Variants in FMNL2 observed in about 807,000 individuals in gnomAD.
FMNL2 encodes the protein formin like 2.
FMNL2 carries 51 observed loss-of-function variants against 130.2 expected under a neutral mutation model. The ratio of observed to expected loss-of-function variants is 0.39; its 90% CI spans 0.31 to 0.49. FMNL2 has a LOEUF of 0.49. Ranked by LOEUF, FMNL2 falls within the 20% of genes least tolerant of loss-of-function variation. The pLI, the probability that FMNL2 is intolerant of heterozygous loss-of-function variation, is 0.85. For missense variants in FMNL2, 977 were observed against 1,316.2 expected (o/e 0.74, Z 3.99); for synonymous variants, 465 against 467.1 (o/e 1.00, Z 0.06).
At chr2:152,539,957 G>T (rs893951643) in intron 2 of FMNL2, among the ~76,000 whole-genome samples, 3 of 152,088 alleles carry the variant, frequency 2.0e-5, no homozygotes, top group Non-Finnish European at 4.4e-5. Context: ...GGGCGTGGTT[G>T]CCTGCACCTA....
At chr2:152,556,682 G>A (rs541012214) in intron 4 of FMNL2, among the ~76,000 whole-genome samples, 77 of 152,308 alleles carry the variant, frequency 5.1e-4, no homozygotes, top group African/African-American at 1.6e-3. Context: ...CTTTCCAAGT[G>A]AGATGGAGGT....
intron 9 of FMNL2, among the ~76,000 whole-genome samples, chr2:152,597,621 C>A (rs1430635611): frequency 6.6e-6 from 1 of 152,174 alleles, no homozygotes; most frequent in African/African-American, 2.4e-5. Flanking sequence ...ATGGCACTGG[C>A]AGTATTCACT....
At chr2:152,636,097 T>C (rs76719918) in intron 21 of FMNL2, among the ~76,000 whole-genome samples, 13,322 of 152,254 alleles carry the variant, frequency 0.087, 862 homozygotes, top group Non-Finnish European at 0.13. Flanking sequence ...TTTGTGCAAG[T>C]GTGGGATTTA....
chr2:152,396,961 C>T (rs1579566665), intron 1 of FMNL2, among the ~76,000 whole-genome samples: 1 of 152,200 alleles, frequency 6.6e-6, no homozygotes, highest in Admixed American at 6.5e-5. Context: ...GTGGAATGCA[C>T]TTGGCATGTT....
chr2:152,375,778 CT>C (rs1275525944), intron 1 of FMNL2, among the ~76,000 whole-genome samples: 3 of 149,784 alleles, frequency 2.0e-5, no homozygotes, highest in Non-Finnish European at 4.4e-5. Flanking sequence ...TTATGATTAT[CT>C]AGGAGTTTTC....
chr2:152,366,656 G>T (rs1012722270), intron 1 of FMNL2, among the ~76,000 whole-genome samples: 2 of 152,084 alleles, frequency 1.3e-5, no homozygotes, highest in African/African-American at 2.4e-5. Flanking sequence ...TTGAAATGTA[G>T]TGTACCCTGG....
chr2:152,619,579 ACCGCCCCCT>A lies in FMNL2; in HGVS notation c.1704_1712del (p.Pro571_Pro573del), dbSNP rs752746827. On this transcript the variant is annotated inframe_deletion, in exon 15 of 26. Transcript: ENST00000288670. ...CCCCTCCTCCACCTCCTCCTCCCCC[ACCGCCCCCT>A]CCGCCTCCTCCTCTCCCAGGCCCTG... 5.3e-5 allele frequency: 17 copies of A among 319,532 alleles called. No individual in the cohort carries two copies. The highest frequency in any genetic ancestry group is 7.7e-5 in the Non-Finnish European group (17 of 220,562). The allele number at this position is 319,532 out of a possible 1,614,324, so 19.8% of individuals were successfully genotyped here. A position where few individuals can be genotyped will look rare whatever the true frequency, so the allele number is the denominator to read the frequency against.
intron 1 of FMNL2, among the ~76,000 whole-genome samples, chr2:152,395,795 C>T (rs1685359195): frequency 6.6e-6 from 1 of 150,928 alleles, no homozygotes; most frequent in South Asian, 2.1e-4. Context: ...GATAATTGGC[C>T]CAGGCTTTAT....
chr2:152,401,148 G>T (rs1230309728), intron 1 of FMNL2, among the ~76,000 whole-genome samples: 1 of 152,238 alleles, frequency 6.6e-6, no homozygotes, highest in Non-Finnish European at 1.5e-5. Context: ...CTGCATTTAT[G>T]GACACTGGGG....
chr2:152,581,353 A>G (rs772761773), intron 9 of FMNL2, among the ~76,000 whole-genome samples: 5 of 152,160 alleles, frequency 3.3e-5, no homozygotes, highest in Non-Finnish European at 7.3e-5. Flanking sequence ...TGTGGTTTTC[A>G]TTGGGGTTGA....
At chr2:152,380,979 A>G (rs1684430041) in intron 1 of FMNL2, among the ~76,000 whole-genome samples, 1 of 152,186 alleles carries the variant, frequency 6.6e-6, no homozygotes, top group Non-Finnish European at 1.5e-5. Context: ...AAGTAGGAAA[A>G]TGTATATAAT....
intron 1 of FMNL2, among the ~76,000 whole-genome samples, chr2:152,465,223 C>A (rs1689463448): frequency 6.6e-6 from 1 of 152,224 alleles, no homozygotes; most frequent in Non-Finnish European, 1.5e-5. Context: ...TTCGTGCAGG[C>A]AAGAACACCC....
At chr2:152,481,315 T>C (rs1467534824) in intron 1 of FMNL2, among the ~76,000 whole-genome samples, 1 of 152,248 alleles carries the variant, frequency 6.6e-6, no homozygotes, top group East Asian at 1.9e-4. Flanking sequence ...GATGTCTTCC[T>C]AAAATACACT....
At chr2:152,404,028 A>G (rs1478411756) in intron 1 of FMNL2, among the ~76,000 whole-genome samples, 2 of 152,218 alleles carry the variant, frequency 1.3e-5, no homozygotes, top group Non-Finnish European at 2.9e-5. Flanking sequence ...AGATCACGCC[A>G]CTGCACTGCA....
rs1682070854 is a variant in FMNL2 at position 152,630,266 on chromosome 2, G to A, written c.2550+361G>A. Among the ~76,000 whole-genome samples the A allele has an allele frequency of 2.6e-5, 4 of 152,192 alleles. No homozygotes were observed. The South Asian group carries it at 8.3e-4, about 31-fold the overall frequency. On this transcript the variant is annotated intron_variant, in intron 20 of 25. Coordinates refer to ENST00000288670, the MANE Select transcript of FMNL2 (RefSeq NM_052905.4). The stretch of plus-strand genomic sequence containing the variant: ...TCCACCGTTAGCATACTGATGAAGA[G>A]TGTCCCAAGAAAGATTTGTGTTTAG...
chr2:152,423,653 C>T (rs1478819443), intron 1 of FMNL2, among the ~76,000 whole-genome samples: 1 of 152,136 alleles, frequency 6.6e-6, no homozygotes, highest in Non-Finnish European at 1.5e-5. Flanking sequence ...TTCCTCTGTC[C>T]ATTTACCCTC....
intron 1 of FMNL2, among the ~76,000 whole-genome samples, chr2:152,505,774 C>T (rs1692136843): frequency 6.6e-6 from 1 of 152,192 alleles, no homozygotes; most frequent in South Asian, 2.1e-4. Flanking sequence ...AACTGAAACC[C>T]AGAATCACAC....
chr2:152,507,215 A>G (rs1692221771), intron 1 of FMNL2, among the ~76,000 whole-genome samples: 1 of 152,216 alleles, frequency 6.6e-6, no homozygotes, highest in Admixed American at 6.5e-5. Context: ...ACAGATCTAG[A>G]CATTTCTATT....
chr2:152,578,805 T>G (rs1696617580), intron 7 of FMNL2, 83 bp from the exon 8 acceptor site: 10 of 1,165,466 alleles, frequency 8.6e-6, no homozygotes, highest in Non-Finnish European at 1.2e-5. Flanking sequence ...TACTTCGGGT[T>G]TTTGGTTTTA....
Sources: allele counts gnomAD v4.1 joint callset (sites outside exome capture counted in the v4.1 genomes callset), GRCh38; gene constraint gnomAD v4.1.1; transcripts MANE v1.5; gene names NCBI Gene and HGNC (gene_info 2026-07-23, HGNC 2026-07-21).